ZCCHC14: variants seen among roughly 807,000 people sequenced by gnomAD.
The protein encoded by ZCCHC14 is zinc finger CCHC-type containing 14.
In ZCCHC14, 16 loss-of-function variants were observed where a neutral mutation model predicts 85.0. That is an observed-to-expected ratio of 0.19 (90% CI 0.13 to 0.29). ZCCHC14 has a LOEUF of 0.29. Among genes scored for constraint, ZCCHC14 ranks in the 10% least tolerant of loss-of-function variants. The pLI is 1.00. For synonymous variants in ZCCHC14, 775 were observed against 630.7 expected (o/e 1.23, Z -3.43); for missense variants, 1,303 against 1,443.5 (o/e 0.90, Z 1.58).
intron 1 of ZCCHC14, among the ~76,000 whole-genome samples, chr16:87,461,953 T>A (rs979866441): frequency 7.2e-5 from 11 of 152,056 alleles, no homozygotes; most frequent in African/African-American, 2.7e-4. Context: ...CAGGGCTACA[T>A]AATTGGGAAG....
chr16:87,479,788 A>T (rs1369563464), intron 1 of ZCCHC14, among the ~76,000 whole-genome samples: 1 of 152,100 alleles, frequency 6.6e-6, no homozygotes, highest in Non-Finnish European at 1.5e-5. Context: ...AAGGCCACCA[A>T]AGCATCATGA....
chr16:87,435,303 G>A (rs1909866244), intron 2 of ZCCHC14, among the ~76,000 whole-genome samples: 1 of 152,190 alleles, frequency 6.6e-6, no homozygotes, highest in Non-Finnish European at 1.5e-5. Context: ...CAGTTGTCCT[G>A]AAGAACCACG....
intron 2 of ZCCHC14, among the ~76,000 whole-genome samples, chr16:87,443,862 C>T (rs1654502383): frequency 6.6e-6 from 1 of 152,010 alleles, no homozygotes; most frequent in African/African-American, 2.4e-5. Flanking sequence ...AATGGGGAAA[C>T]CCAATCTCTA....
In ZCCHC14 at chr16:87,408,664, A is replaced by G. The variant is rs899496373; in HGVS notation, c.*1616T>C. ...AACTAAAATAAAACTAAAAAATTCT[A>G]CTAAAAGCCTGTCATAAAAAAAATG... On this transcript the variant is annotated 3_prime_UTR_variant, in exon 13 of 13. Coordinates refer to ENST00000671377, the MANE Select transcript of ZCCHC14 (RefSeq NM_015144.3). The G allele has an allele frequency of 6.6e-6, 1 of 152,500 alleles. No homozygotes were observed. Among genetic ancestry groups the G allele is most frequent in the African/African-American group, 2.4e-5 (1 of 41,428 alleles). 9.4% of individuals were successfully genotyped at this position (152,500 alleles called of 1,614,324 possible).
intron 1 of ZCCHC14, among the ~76,000 whole-genome samples, chr16:87,466,258 A>G (rs1208536887): frequency 1.3e-5 from 2 of 152,226 alleles, no homozygotes; most frequent in African/African-American, 2.4e-5. Flanking sequence ...TAACTTTTAG[A>G]AGAGAATTAA....
At chr16:87,477,827 C>G (rs1310936769) in intron 1 of ZCCHC14, among the ~76,000 whole-genome samples, 1 of 149,432 alleles carries the variant, frequency 6.7e-6, no homozygotes, top group Admixed American at 6.7e-5. Flanking sequence ...TCACACGCCT[C>G]CACGCATCGC....
rs1466234556 is a variant in ZCCHC14, at chr16:87,410,288, T to C, written c.3253A>G (p.Thr1085Ala). 1.3e-6 allele frequency: 1 copy of C among 774,918 alleles called. No individual in the cohort carries two copies. The highest frequency in any genetic ancestry group is 2.4e-6 in the Non-Finnish European group (1 of 416,152). 48.0% of individuals were successfully genotyped at this position (774,918 alleles called of 1,614,324 possible). Reference sequence around the variant, plus strand: ...GTTGCCAGAGAAAAATATCAATCTGTGGAGTCCAGACTTTCTGCTGGAGGG... The same window carrying C: ...GTTGCCAGAGAAAAATATCAATCTGCGGAGTCCAGACTTTCTGCTGGAGGG... ...YAPPAESLDS[T>A]D Residue 1085 changes from threonine to alanine, a missense_variant, in exon 13 of 13, where the codon ACA becomes GCA. Physicochemically the swap from Thr to Ala is moderately conservative, Grantham distance 58. Coordinates refer to ENST00000671377, the MANE Select transcript of ZCCHC14 (RefSeq NM_015144.3).
intron 1 of ZCCHC14, chr16:87,467,612 C>T: frequency 8.4e-7 from 1 of 1,188,438 alleles, no homozygotes; most frequent in Admixed American, 1.7e-5. Context: ...CTGGAGATGA[C>T]AACTTGACTT....
intron 1 of ZCCHC14, among the ~76,000 whole-genome samples, chr16:87,469,703 G>T (rs1267927972): frequency 1.3e-5 from 2 of 152,224 alleles, no homozygotes; most frequent in Non-Finnish European, 2.9e-5. Flanking sequence ...CTTCAGTGCT[G>T]TCACAGAGAC....
At chr16:87,418,937 A>G (rs1908941684) in intron 6 of ZCCHC14, 36 bp from the exon 7 acceptor site, 2 of 1,538,718 alleles carry the variant, frequency 1.3e-6, no homozygotes, top group Non-Finnish European at 1.8e-6. Flanking sequence ...AAAAATTTAC[A>G]GACAATGAAA....
At chr16:87,433,233 A>G (rs772621940) in intron 2 of ZCCHC14, 32 bp from the exon 3 acceptor site, 7 of 1,596,694 alleles carry the variant, frequency 4.4e-6, no homozygotes, top group South Asian at 2.2e-5. Flanking sequence ...CAAAAATGAA[A>G]TAAGAGCTTG....
chr16:87,438,708 G>A (rs117673991), intron 2 of ZCCHC14, among the ~76,000 whole-genome samples: 2,519 of 152,280 alleles, frequency 0.017, 25 homozygotes, highest in Middle Eastern at 0.041. Context: ...GCATTCACAC[G>A]AGGCCTGGGC....
chr16:87,410,370 T>C (rs1908376642), intron 12 of ZCCHC14, 35 bp from the exon 13 acceptor site: 1 of 766,220 alleles, frequency 1.3e-6, no homozygotes, highest in Admixed American at 1.8e-5. Context: ...CAAATTTGAA[T>C]GACTGTAGAA....
chr16:87,436,708 C>A (rs545293738), intron 2 of ZCCHC14, among the ~76,000 whole-genome samples: 1 of 152,208 alleles, frequency 6.6e-6, no homozygotes, highest in Admixed American at 6.5e-5. Flanking sequence ...ATCCTGCACA[C>A]GTACCCCAGA....
intron 2 of ZCCHC14, among the ~76,000 whole-genome samples, chr16:87,440,980 T>C (rs1385125502): frequency 6.6e-6 from 1 of 151,438 alleles, no homozygotes; most frequent in African/African-American, 2.4e-5. Context: ...TCTGCTATTA[T>C]ACATATGCGA....
At chr16:87,448,982 C>A (rs1302766572) in intron 2 of ZCCHC14, among the ~76,000 whole-genome samples, 1 of 152,230 alleles carries the variant, frequency 6.6e-6, no homozygotes, top group Admixed American at 6.5e-5. Context: ...CGTGTGCCGG[C>A]CCAAGCTCGG....
intron 1 of ZCCHC14, among the ~76,000 whole-genome samples, chr16:87,482,888 G>A (rs1912349637): frequency 6.6e-6 from 1 of 152,164 alleles, no homozygotes; most frequent in Admixed American, 6.5e-5. Context: ...CGACACTGCA[G>A]GGGACTGTCT....
At chr16:87,455,682 G>GT (rs1258766617) in intron 2 of ZCCHC14, among the ~76,000 whole-genome samples, 1 of 152,234 alleles carries the variant, frequency 6.6e-6, no homozygotes, top group African/African-American at 2.4e-5. Flanking sequence ...CTTAAAAATA[G>GT]TAAGTACAGA....
chr16:87,478,487 T>C (rs1196411275), intron 1 of ZCCHC14, among the ~76,000 whole-genome samples: 2 of 152,146 alleles, frequency 1.3e-5, no homozygotes, highest in Non-Finnish European at 2.9e-5. Flanking sequence ...CAGGAGAATC[T>C]CCCAGAGGTG....
Sources: allele counts gnomAD v4.1 joint callset (sites outside exome capture counted in the v4.1 genomes callset), GRCh38; gene constraint gnomAD v4.1.1; transcripts MANE v1.5; gene names NCBI Gene and HGNC (gene_info 2026-07-23, HGNC 2026-07-21).